Variants in RNF17 observed in about 807,000 individuals in gnomAD.
The protein encoded by RNF17 is ring finger protein 17.
Under a neutral mutation model 200.5 loss-of-function variants are expected in RNF17, and 31 were observed. That is an observed-to-expected ratio of 0.15 (90% confidence interval 0.12 to 0.21). The LOEUF (loss-of-function observed/expected upper bound fraction) is 0.21. Ranked by LOEUF, RNF17 falls within the 10% of genes least tolerant of loss-of-function variation. The pLI is 1.00. For synonymous variants in RNF17, 606 were observed against 637.8 expected (o/e 0.95, Z 0.75); for missense variants, 1,628 against 1,905.1 (o/e 0.85, Z 2.71).
intron 9 of RNF17, 40 bp from the exon 10 acceptor site, chr13:24,793,002 C>A: frequency 7.6e-7 from 1 of 1,312,368 alleles, no homozygotes; most frequent in Non-Finnish European, 1.1e-6. Flanking sequence ...GTACCATATA[C>A]CTCTGTATTC....
intron 18 of RNF17, among the ~76,000 whole-genome samples, chr13:24,834,900 C>T (rs2138057548): frequency 6.6e-6 from 1 of 152,306 alleles, no homozygotes; most frequent in Admixed American, 6.5e-5. Flanking sequence ...CCTTTTCTTT[C>T]CCAGCTGGGA....
At chr13:24,772,676 T>C (rs1880942931) in intron 2 of RNF17, among the ~76,000 whole-genome samples, 1 of 151,632 alleles carries the variant, frequency 6.6e-6, no homozygotes, top group African/African-American at 2.4e-5. Context: ...AGTGGCGCCA[T>C]CTCAGCTCAC....
chr13:24,796,008 C>G (rs569999935), intron 10 of RNF17, 129 bp from the exon 11 acceptor site: 1 of 536,520 alleles, frequency 1.9e-6, no homozygotes, highest in Non-Finnish European at 3.1e-6. Context: ...TTCCTGGGGC[C>G]GACGTGCGAT....
At chr13:24,790,645 A>G (rs1883726135) in intron 9 of RNF17, among the ~76,000 whole-genome samples, 1 of 152,158 alleles carries the variant, frequency 6.6e-6, no homozygotes. Flanking sequence ...ACAGGTGTTT[A>G]TTTGCTTGCA....
At chr13:24,882,626 CATG>C (rs1176250895), downstream of RNF17, 10 of 154,016 alleles carry the variant, frequency 6.5e-5, no homozygotes, top group African/African-American at 2.2e-4. Context: ...TTCTCTTCAC[CATG>C]ATTACTACCT....
At chr13:24,884,343 C>A, downstream of RNF17, 2 of 1,614,172 alleles carry the variant, frequency 1.2e-6, no homozygotes, top group Non-Finnish European at 1.7e-6. Flanking sequence ...TCTGGCATGA[C>A]CTGCTTCACG....
At chr13:24,785,031 A>G (rs982716950) in intron 6 of RNF17, among the ~76,000 whole-genome samples, 1 of 152,108 alleles carries the variant, frequency 6.6e-6, no homozygotes, top group Non-Finnish European at 1.5e-5. Context: ...TAGTGTGACT[A>G]TAGGTTTAAT....
intron 22 of RNF17, among the ~76,000 whole-genome samples, chr13:24,849,079 A>T (rs1891564130): frequency 6.6e-6 from 1 of 152,176 alleles, no homozygotes; most frequent in Non-Finnish European, 1.5e-5. Context: ...AGCACCAGCT[A>T]CTCAGGAGAC....
the RNF17 span, among the ~76,000 whole-genome samples, chr13:24,752,381 CAG>C: frequency 6.9e-4 from 105 of 152,330 alleles, no homozygotes; most frequent in Non-Finnish European, 2.2e-4. Flanking sequence ...CAGATACACA[CAG>C]AGTATGCTTC....
At chr13:24,844,622 T>A (rs1226957877) in intron 20 of RNF17, 30 bp from the exon 21 acceptor site, 3 of 1,506,010 alleles carry the variant, frequency 2.0e-6, no homozygotes, top group South Asian at 2.4e-5. Context: ...AGAAAAGGTT[T>A]GGAAAGTTAA....
intron 15 of RNF17, among the ~76,000 whole-genome samples, chr13:24,814,091 T>C (rs1013426947): frequency 1.3e-5 from 2 of 152,154 alleles, no homozygotes; most frequent in Admixed American, 1.3e-4. Flanking sequence ...TAAAGTAAGC[T>C]AGAGAAAAAG....
intron 2 of RNF17, among the ~76,000 whole-genome samples, chr13:24,773,198 T>A (rs1387163409): frequency 2.0e-5 from 3 of 152,210 alleles, no homozygotes; most frequent in Non-Finnish European, 4.4e-5. Flanking sequence ...CTTCCATTAC[T>A]GGGTATATAC....
At chr13:24,884,191 C>G (rs760843694), downstream of RNF17, 1 of 1,614,158 alleles carries the variant, frequency 6.2e-7, no homozygotes, top group Non-Finnish European at 8.5e-7. Context: ...TGTAAGACTT[C>G]CAGTCCCTCC....
At chr13:24,780,836 C>T (rs1025466702) in intron 5 of RNF17, among the ~76,000 whole-genome samples, 19 of 151,948 alleles carry the variant, frequency 1.3e-4, no homozygotes, top group South Asian at 2.1e-4. Flanking sequence ...GAGCCAAGAT[C>T]GTGCCACTGT....
At chr13:24,874,575 A>ATTTT (rs1214259901) in intron 33 of RNF17, among the ~76,000 whole-genome samples, 1 of 151,202 alleles carries the variant, frequency 6.6e-6, no homozygotes, top group African/African-American at 2.4e-5. Context: ...ATCCCGGCTA[A>ATTTT]TTTTTTTTGT....
chr13:24,823,140 G>A (rs2137943197), intron 15 of RNF17, among the ~76,000 whole-genome samples: 1 of 151,998 alleles, frequency 6.6e-6, no homozygotes, highest in South Asian at 2.1e-4. Context: ...ATGGCATGAT[G>A]TCAGCTCCCT....
intron 6 of RNF17, among the ~76,000 whole-genome samples, chr13:24,787,339 T>G (rs1883242362): frequency 6.6e-6 from 1 of 152,240 alleles, no homozygotes; most frequent in South Asian, 2.1e-4. Context: ...AGAACTGTTT[T>G]TACCATTCTG....
intron 33 of RNF17, among the ~76,000 whole-genome samples, chr13:24,874,580 T>C (rs1175640129): frequency 1.3e-5 from 2 of 152,064 alleles, no homozygotes; most frequent in African/African-American, 4.8e-5. Context: ...GGCTAATTTT[T>C]TTTGTATTTT....
rs1893798827 is a variant in RNF17 at position 24,867,884 on chromosome 13, T to C, written c.4162-716T>C. Among the ~76,000 whole-genome samples the C allele has an allele frequency of 7.0e-5, 10 of 143,360 alleles. No homozygotes were observed. In the South Asian group the frequency reaches 2.2e-3, roughly 31 times the overall value. 94.0% of individuals were successfully genotyped at this position (143,360 alleles called of 152,430 possible). A position where few individuals can be genotyped will look rare whatever the true frequency, so the allele number is the denominator to read the frequency against. ...AGCATTTCATGCATTATTTTAGTTT[T>C]TATTAGAAGTACTTATTCTTAAATA... On this transcript the variant is annotated intron_variant, in intron 30 of 35. Transcript: ENST00000255324.
Sources: allele counts gnomAD v4.1 joint callset (sites outside exome capture counted in the v4.1 genomes callset), GRCh38; gene constraint gnomAD v4.1.1; transcripts MANE v1.5; gene names NCBI Gene and HGNC (gene_info 2026-07-23, HGNC 2026-07-21).